SRSF11: variants seen among roughly 807,000 people sequenced by gnomAD.
The protein encoded by SRSF11 is serine/arginine-rich splicing factor 11.
A neutral mutation model predicts 56.0 loss-of-function variants in SRSF11; 9 were observed. The ratio of observed to expected loss-of-function variants is 0.16; its 90% CI spans 0.10 to 0.28. The LOEUF is 0.28. Ranked by LOEUF, SRSF11 falls within the 10% of genes least tolerant of loss-of-function variation. The pLI, the probability that SRSF11 is intolerant of heterozygous loss-of-function variation, is 1.00. For missense variants in SRSF11, 421 were observed against 600.7 expected, an observed-to-expected ratio of 0.70 and a Z score of 3.13; for synonymous variants, 222 against 215.3, an observed-to-expected ratio of 1.03 and a Z score of -0.27.
upstream of SRSF11, among the ~76,000 whole-genome samples, chr1:70,220,138 C>A: frequency 6.6e-6 from 1 of 152,184 alleles, no homozygotes. Flanking sequence ...AAGCTCACAA[C>A]TTTGAGTGAT....
intron 2 of SRSF11, chr1:70,231,309 C>T: frequency 8.6e-7 from 1 of 1,161,060 alleles, no homozygotes; most frequent in Non-Finnish European, 1.1e-6. Context: ...ATTTTGGGGG[C>T]TTGGGCACAT....
At chr1:70,225,079 T>C (rs1671477242) in intron 1 of SRSF11, among the ~76,000 whole-genome samples, 1 of 152,150 alleles carries the variant, frequency 6.6e-6, no homozygotes, top group South Asian at 2.1e-4. Flanking sequence ...TGATCAGGAG[T>C]TTGCTGATTT....
intron 3 of SRSF11, 124 bp from the exon 4 acceptor site, chr1:70,234,572 G>A (rs1274996844): frequency 2.9e-6 from 2 of 678,226 alleles, no homozygotes; most frequent in Non-Finnish European, 4.9e-6. Flanking sequence ...CTGAGGAGTT[G>A]TACGGAGACC....
chr1:70,246,977 C>A, intron 9 of SRSF11, 70 bp downstream of exon 9: 3 of 1,307,202 alleles, frequency 2.3e-6, no homozygotes, highest in South Asian at 3.0e-5. Context: ...AGTACGCTGT[C>A]AGTATGAAGT....
rs1044751358 is a variant in SRSF11 at position 70,250,410 on chromosome 1, G to T, written c.1164G>T (p.Arg388Ser). ...AAGATAAAGACAAAGAAAGAAGTAG[G>T]GATGAAAGAGAACGATCAACAAGCA... ...KKKDKDKERS[R>S]DERERSTSKK... The change falls in exon 11 of 12, where the codon AGG becomes AGT. Residue 388 changes from arginine to serine, a missense_variant. By Grantham distance (110) the Arg-to-Ser change is moderately radical. Around this residue, in one of 2 missense-constraint regions of SRSF11, gnomAD observed 253 missense variants for 305.8 expected, o/e 0.83. Coordinates refer to ENST00000370949, the MANE Select transcript of SRSF11 (RefSeq NM_001350605.2). 6.3e-7 allele frequency: 1 copy of T among 1,598,732 alleles called. No individual in the cohort carries two copies. The highest frequency in any genetic ancestry group is 8.6e-7 in the Non-Finnish European group (1 of 1,166,378).
intron 9 of SRSF11, chr1:70,249,723 A>G (rs999882133): frequency 1.4e-5 from 6 of 416,752 alleles, no homozygotes; most frequent in Non-Finnish European, 2.7e-5. Context: ...ACACCTGGCT[A>G]ATTTTTTTGT....
intron 8 of SRSF11, among the ~76,000 whole-genome samples, chr1:70,245,057 T>G (rs1676430417): frequency 6.6e-6 from 1 of 152,222 alleles, no homozygotes; most frequent in Non-Finnish European, 1.5e-5. Context: ...AATTGTTAGC[T>G]GTCCTGCTAC....
chr1:70,205,965 C>T (rs995636771), intron 1 of SRSF11, among the ~76,000 whole-genome samples: 9 of 152,188 alleles, frequency 5.9e-5, no homozygotes, highest in Non-Finnish European at 8.8e-5. Flanking sequence ...GCGCGGTCGG[C>T]AGCGTTTCTG....
At chr1:70,245,799 A>G (rs1290442479) in intron 8 of SRSF11, among the ~76,000 whole-genome samples, 3 of 152,216 alleles carry the variant, frequency 2.0e-5, no homozygotes, top group Non-Finnish European at 4.4e-5. Context: ...TGTTCACACT[A>G]TGCACTTGAT....
chr1:70,232,518 G>A (rs928680271), intron 3 of SRSF11, 141 bp downstream of exon 3: 1 of 622,874 alleles, frequency 1.6e-6, no homozygotes, highest in Non-Finnish European at 2.8e-6. Flanking sequence ...ATCACAAATA[G>A]TATAGAAGAT....
rs75289460 is a variant in SRSF11 at position 70,245,962 on chromosome 1, G to A, written c.933-856G>A. 4.3e-4 allele frequency among the ~76,000 whole-genome samples: 65 copies of A among 152,176 alleles called. No individual in the cohort carries two copies. In the East Asian group the frequency reaches 0.011, roughly 25 times the overall value. On this transcript the variant is annotated intron_variant, in intron 8 of 11. Coordinates refer to ENST00000370949, the MANE Select transcript of SRSF11 (RefSeq NM_001350605.2). ...GACTGTTCTAGTAATCTAGGAGTTA[G>A]ATGATAAAGATTCAAATGAAGAGGG... is the stretch of plus-strand genomic sequence containing the variant.
At chr1:70,241,096 T>C (rs1675286965) in intron 7 of SRSF11, among the ~76,000 whole-genome samples, 1 of 152,110 alleles carries the variant, frequency 6.6e-6, no homozygotes, top group South Asian at 2.1e-4. Context: ...TCTTAAACCT[T>C]CACTCCTGGC....
intron 1 of SRSF11, among the ~76,000 whole-genome samples, chr1:70,226,241 C>G (rs1377050470): frequency 6.6e-6 from 1 of 151,800 alleles, no homozygotes; most frequent in Non-Finnish European, 1.5e-5. Context: ...TAATTGTGGG[C>G]CCAGATACCA....
In SRSF11 at chr1:70,225,910, CTT is replaced by C. The variant is rs554375544; in HGVS notation, c.204-2511_204-2510del. Among the ~76,000 whole-genome samples the C allele has an allele frequency of 1.0e-3, 153 of 152,234 alleles. 1 individual carries two copies. The South Asian group carries it at 0.031, about 31-fold the overall frequency. ...TTAATTTCAGGCATCAGTCCTCTATCTTATATTAACATATTATCTTATTAAGA... is the reference window on the plus strand; with the variant it reads ...TTAATTTCAGGCATCAGTCCTCTATCATATTAACATATTATCTTATTAAGA... On this transcript the variant is annotated intron_variant, in intron 1 of 11. Transcript: ENST00000370949.
At chr1:70,231,229 T>C in intron 2 of SRSF11, 2 of 1,229,878 alleles carry the variant, frequency 1.6e-6, no homozygotes, top group Non-Finnish European at 2.1e-6. Flanking sequence ...AGATGCAGTT[T>C]CTTAATATGT....
chr1:70,235,703 GAAGT>G (rs1200468752), intron 5 of SRSF11, among the ~76,000 whole-genome samples, 153 bp downstream of exon 5: 16 of 152,294 alleles, frequency 1.1e-4, no homozygotes, highest in South Asian at 1.0e-3. Flanking sequence ...GAGAAATACA[GAAGT>G]AAGTAAGGTC....
intron 9 of SRSF11, among the ~76,000 whole-genome samples, chr1:70,248,085 T>C (rs1374123145): frequency 6.6e-6 from 1 of 152,128 alleles, no homozygotes; most frequent in Non-Finnish European, 1.5e-5. Context: ...CTAGTATGAA[T>C]ATAAACTGGT....
intron 5 of SRSF11, among the ~76,000 whole-genome samples, chr1:70,237,012 C>T (rs771259172): frequency 1.3e-5 from 2 of 152,092 alleles, no homozygotes; most frequent in South Asian, 2.1e-4. Context: ...TGATCTCGAT[C>T]TCCTGACCTC....
intron 1 of SRSF11, among the ~76,000 whole-genome samples, chr1:70,213,248 G>A (rs991078567): frequency 7.9e-5 from 12 of 152,138 alleles, no homozygotes; most frequent in Non-Finnish European, 1.3e-4. Flanking sequence ...TAGCTCATGT[G>A]GCTAATTAGA....
Sources: allele counts gnomAD v4.1 joint callset (sites outside exome capture counted in the v4.1 genomes callset), GRCh38; gene constraint gnomAD v4.1.1; regional missense constraint gnomAD v4.1.1; transcripts MANE v1.5; gene names NCBI Gene and HGNC (gene_info 2026-07-23, HGNC 2026-07-21).